Variants in WWOX observed in about 807,000 individuals in gnomAD.
WWOX encodes WW domain containing oxidoreductase, also known as WW domain-containing oxidoreductase.
WWOX carries 69 observed loss-of-function variants against 46.2 expected under a neutral mutation model. That is an observed-to-expected ratio of 1.49 (90% CI 1.23 to 1.82). The LOEUF is 1.82. Ranked by LOEUF, WWOX falls within the 40% of genes most tolerant of loss-of-function variation. WWOX has a pLI of 0.00. For missense variants in WWOX, 919 were observed against 542.6 expected (o/e 1.69, Z -6.89); for synonymous variants, 359 against 202.6 (o/e 1.77, Z -6.56).
chr16:78,603,929 C>T (rs1256529693), intron 8 of WWOX, among the ~76,000 whole-genome samples: 1 of 151,822 alleles, frequency 6.6e-6, no homozygotes, highest in Non-Finnish European at 1.5e-5. Flanking sequence ...ATTGCTTGAG[C>T]CTAGGAGTTC....
intron 8 of WWOX, among the ~76,000 whole-genome samples, chr16:78,991,164 T>A (rs1441047738): frequency 6.6e-6 from 1 of 152,202 alleles, no homozygotes; most frequent in African/African-American, 2.4e-5. Flanking sequence ...TCAGCCCTTG[T>A]CAAAGTCAAA....
chr16:78,150,824 A>G (rs79158905), intron 4 of WWOX, among the ~76,000 whole-genome samples: 6,924 of 152,208 alleles, frequency 0.045, 293 homozygotes, highest in East Asian at 0.25. Context: ...CAACTCTCTA[A>G]TTGTGAATAA....
chr16:78,436,713 C>T (rs2083342795), intron 8 of WWOX, among the ~76,000 whole-genome samples: 1 of 152,130 alleles, frequency 6.6e-6, no homozygotes. Flanking sequence ...ACATTTAGGA[C>T]TCTGTATTTA....
intron 8 of WWOX, among the ~76,000 whole-genome samples, chr16:78,648,707 A>G (rs1214295799): frequency 6.6e-6 from 1 of 152,150 alleles, no homozygotes; most frequent in Non-Finnish European, 1.5e-5. Context: ...ACAGCCTCCA[A>G]TCGGAGCATA....
intron 8 of WWOX, among the ~76,000 whole-genome samples, chr16:79,162,933 T>G (rs2050515600): frequency 6.6e-6 from 1 of 152,216 alleles, no homozygotes; most frequent in South Asian, 2.1e-4. Flanking sequence ...CTTTCCCATC[T>G]CTGGGAAGAG....
intron 8 of WWOX, chr16:78,551,905 G>C (rs2044183001): frequency 6.6e-6 from 1 of 152,238 alleles, no homozygotes; most frequent in Non-Finnish European, 1.5e-5. Context: ...TATGTGGTTT[G>C]CAGTGAGCAA....
chr16:78,853,575 G>C (rs534892798), intron 8 of WWOX, among the ~76,000 whole-genome samples: 30 of 152,120 alleles, frequency 2.0e-4, no homozygotes, highest in Non-Finnish European at 2.9e-4. Context: ...TTGACCATGA[G>C]GCAGAATCTT....
intron 8 of WWOX, among the ~76,000 whole-genome samples, chr16:78,713,424 G>A (rs1200417946): frequency 6.6e-6 from 1 of 152,002 alleles, no homozygotes; most frequent in East Asian, 1.9e-4. Context: ...TATCTGTTAG[G>A]AGCTGAATTA....
chr16:78,887,058 G>T (rs1395359174), intron 8 of WWOX, among the ~76,000 whole-genome samples: 1 of 143,694 alleles, frequency 7.0e-6, no homozygotes, highest in South Asian at 2.2e-4. Flanking sequence ...TGACAGTCTG[G>T]CTATATGTGT....
chr16:78,200,821 G>A (rs542507156), intron 5 of WWOX, among the ~76,000 whole-genome samples: 2 of 152,114 alleles, frequency 1.3e-5, no homozygotes, highest in Non-Finnish European at 2.9e-5. Context: ...TTCACGATGG[G>A]CTGTGCTGGA....
chr16:78,707,822 G>A (rs988788689), intron 8 of WWOX, among the ~76,000 whole-genome samples: 3 of 150,382 alleles, frequency 2.0e-5, no homozygotes, highest in African/African-American at 7.4e-5. Context: ...GCTAGAGAGC[G>A]AGACTCTGTC....
chr16:78,127,922 C>T (rs1198402055), intron 4 of WWOX, among the ~76,000 whole-genome samples: 5 of 152,156 alleles, frequency 3.3e-5, no homozygotes, highest in African/African-American at 9.7e-5. Context: ...GTCACTTAAC[C>T]ATCTGAGCCT....
chr16:78,154,576 C>A (rs529555027), intron 4 of WWOX, among the ~76,000 whole-genome samples: 1 of 142,754 alleles, frequency 7.0e-6, no homozygotes, highest in Non-Finnish European at 1.5e-5. Flanking sequence ...AAGTTCTTGG[C>A]CCAGAGGTTC....
intron 8 of WWOX, chr16:78,691,242 G>T (rs779982272): frequency 5.7e-6 from 4 of 702,142 alleles, no homozygotes; most frequent in South Asian, 4.4e-5. Context: ...GTGATTCCAG[G>T]TTTCAGACTG....
At chr16:78,397,312 C>G (rs924025493) in intron 6 of WWOX, among the ~76,000 whole-genome samples, 3 of 152,114 alleles carry the variant, frequency 2.0e-5, no homozygotes, top group Admixed American at 2.0e-4. Context: ...TAATATTTAT[C>G]AGCTATTTAT....
intron 5 of WWOX, among the ~76,000 whole-genome samples, chr16:78,317,803 A>C (rs1312089521): frequency 6.6e-6 from 1 of 152,160 alleles, no homozygotes; most frequent in Admixed American, 6.5e-5. Flanking sequence ...ATGACATCCA[A>C]GGACTTGGTG....
chr16:78,798,198 G>A lies in WWOX; in HGVS notation c.1056+365446G>A, dbSNP rs1012883419. On this transcript the variant is annotated intron_variant, in intron 8 of 8. Transcript: ENST00000566780. ...CCACGGCACCTTTGCCACAACGTGA[G>A]CAAGAAAGGATAGCCTTGTTATTTT... 3.9e-5 allele frequency among the ~76,000 whole-genome samples: 6 copies of A among 152,182 alleles called. No individual in the cohort carries two copies. In the East Asian group the frequency reaches 7.7e-4, roughly 20 times the overall value.
At chr16:78,717,801 C>A (rs1470954057) in intron 8 of WWOX, among the ~76,000 whole-genome samples, 1 of 152,010 alleles carries the variant, frequency 6.6e-6, no homozygotes, top group Non-Finnish European at 1.5e-5. Context: ...TAGAAGGATG[C>A]CCTGTGGTTT....
intron 5 of WWOX, among the ~76,000 whole-genome samples, chr16:78,216,022 G>A (rs2036709735): frequency 6.6e-6 from 1 of 152,124 alleles, no homozygotes; most frequent in Admixed American, 6.5e-5. Context: ...CTCCTGGCAG[G>A]ACAGTGAATA....
Sources: gnomAD v4.1 joint callset for allele counts (sites outside exome capture counted in the v4.1 genomes callset) on GRCh38, gnomAD v4.1.1 for gene constraint, MANE v1.5 for transcripts, NCBI Gene and HGNC (gene_info 2026-07-23, HGNC 2026-07-21) for gene names.